Variants in NELL1 observed in about 807,000 individuals in gnomAD.
The protein encoded by NELL1 is protein kinase C-binding protein NELL1.
In NELL1, 76 loss-of-function variants were observed where a neutral mutation model predicts 107.4. The ratio of observed to expected loss-of-function variants is 0.71; its 90% CI spans 0.59 to 0.86. NELL1 has a LOEUF of 0.86. Ranked by LOEUF, NELL1 falls within the 40% of genes least tolerant of loss-of-function variation. NELL1 has a pLI of 0.00. For synonymous variants in NELL1, 353 were observed against 341.2 expected, an observed-to-expected ratio of 1.03 and a Z score of -0.38; for missense variants, 1,024 against 1,005.5, an observed-to-expected ratio of 1.02 and a Z score of -0.25.
At chr11:21,082,904 C>A (rs1054080030) in intron 12 of NELL1, among the ~76,000 whole-genome samples, 1 of 152,160 alleles carries the variant, frequency 6.6e-6, no homozygotes, top group African/African-American at 2.4e-5. Context: ...ATTATTGTTA[C>A]TATTTGCTAC....
intron 12 of NELL1, among the ~76,000 whole-genome samples, chr11:21,072,693 A>C (rs1854043578): frequency 6.6e-6 from 1 of 152,204 alleles, no homozygotes; most frequent in Non-Finnish European, 1.5e-5. Context: ...TGCCAGAGAA[A>C]TCAGTAAAGA....
chr11:20,933,828 G>T (rs1033234291), intron 9 of NELL1, among the ~76,000 whole-genome samples: 1 of 152,200 alleles, frequency 6.6e-6, no homozygotes, highest in Non-Finnish European at 1.5e-5. Context: ...GAAGGGCCAG[G>T]TGTCTGTCGG....
At chr11:20,984,747 C>T (rs1274820146) in intron 12 of NELL1, among the ~76,000 whole-genome samples, 2 of 152,008 alleles carry the variant, frequency 1.3e-5, no homozygotes. Context: ...CATATGGCAC[C>T]TTAATGACCA....
intron 12 of NELL1, among the ~76,000 whole-genome samples, chr11:21,085,182 TG>T (rs1471037112): frequency 1.3e-5 from 2 of 152,116 alleles, no homozygotes; most frequent in Non-Finnish European, 1.5e-5. Context: ...TTCTGAGTAT[TG>T]GGGGGCACAA....
At chr11:21,002,902 A>T (rs1321167848) in intron 12 of NELL1, among the ~76,000 whole-genome samples, 1 of 152,178 alleles carries the variant, frequency 6.6e-6, no homozygotes, top group Non-Finnish European at 1.5e-5. Flanking sequence ...CTAAGAATTT[A>T]TCTTAATTCC....
At chr11:21,440,677 CT>C (rs1853260911) in intron 15 of NELL1, among the ~76,000 whole-genome samples, 1 of 151,934 alleles carries the variant, frequency 6.6e-6, no homozygotes, top group African/African-American at 2.4e-5. Context: ...TATTAATTCA[CT>C]GGTGAGATGT....
chr11:20,835,803 A>G (rs963169180), intron 3 of NELL1, among the ~76,000 whole-genome samples: 4 of 152,224 alleles, frequency 2.6e-5, no homozygotes, highest in Non-Finnish European at 4.4e-5. Flanking sequence ...ACTTTACTGT[A>G]AAATGCAAAA....
At chr11:21,538,277 C>T (rs910689965) in intron 16 of NELL1, among the ~76,000 whole-genome samples, 13 of 152,074 alleles carry the variant, frequency 8.5e-5, no homozygotes, top group African/African-American at 2.9e-4. Context: ...ATAGCACCTT[C>T]ACTACTGATT....
chr11:21,020,637 G>T (rs1468656679), intron 12 of NELL1, among the ~76,000 whole-genome samples: 1 of 151,976 alleles, frequency 6.6e-6, no homozygotes, highest in Non-Finnish European at 1.5e-5. Context: ...CATCTAAGCT[G>T]CTCTGTCTCC....
At chr11:21,115,124 T>G (rs1421835166) in intron 13 of NELL1, among the ~76,000 whole-genome samples, 1 of 152,016 alleles carries the variant, frequency 6.6e-6, no homozygotes, top group African/African-American at 2.4e-5. Context: ...TCGAATGCCT[T>G]AATAGGATAG....
At chr11:21,534,331 A>C (rs1217074970) in intron 15 of NELL1, 43 bp from the exon 16 acceptor site, 1 of 1,612,266 alleles carries the variant, frequency 6.2e-7, no homozygotes, top group African/African-American at 1.3e-5. Context: ...TAGTGTCAAA[A>C]GAAATTAATA....
chr11:21,568,451 A>T (rs529564136), intron 17 of NELL1, among the ~76,000 whole-genome samples: 156 of 151,842 alleles, frequency 1.0e-3, no homozygotes, highest in African/African-American at 3.5e-3. Context: ...ATTTTGAAAA[A>T]GATTTTTTTT....
chr11:20,877,727 C>A (rs1227358152), intron 4 of NELL1, among the ~76,000 whole-genome samples: 2 of 152,320 alleles, frequency 1.3e-5, no homozygotes, highest in South Asian at 4.1e-4. Flanking sequence ...TCCTCTCAAG[C>A]AGGTTTTACA....
At chr11:20,789,495 G>A (rs982900611) in intron 3 of NELL1, among the ~76,000 whole-genome samples, 4 of 152,068 alleles carry the variant, frequency 2.6e-5, no homozygotes, top group African/African-American at 4.8e-5. Context: ...GCCCTGGCTC[G>A]GGGAGCCCAG....
chr11:21,199,408 T>C (rs1043343492), intron 13 of NELL1, among the ~76,000 whole-genome samples: 3 of 152,156 alleles, frequency 2.0e-5, no homozygotes, highest in African/African-American at 7.2e-5. Context: ...TTAATACACA[T>C]TCCCAGGAAA....
chr11:21,100,815 G>T (rs562563851), intron 12 of NELL1, among the ~76,000 whole-genome samples: 1 of 152,060 alleles, frequency 6.6e-6, no homozygotes, highest in Admixed American at 6.5e-5. Context: ...GTATAGCAAA[G>T]TACAATGTTT....
At chr11:20,842,514 A>C (rs1848639097) in intron 3 of NELL1, among the ~76,000 whole-genome samples, 4 of 152,156 alleles carry the variant, frequency 2.6e-5, no homozygotes, top group Admixed American at 2.6e-4. Flanking sequence ...GCATCATGAG[A>C]ACCATGAATG....
At chr11:21,214,079 A>T (rs776779267) in intron 13 of NELL1, among the ~76,000 whole-genome samples, 1 of 152,196 alleles carries the variant, frequency 6.6e-6, no homozygotes, top group South Asian at 2.1e-4. Flanking sequence ...TATCCAATAA[A>T]GGCCTTATAC....
chr11:20,746,914 C>G (rs745519960), intron 2 of NELL1, among the ~76,000 whole-genome samples: 14 of 152,162 alleles, frequency 9.2e-5, no homozygotes, highest in Non-Finnish European at 1.9e-4. Context: ...CTGAAGTTAA[C>G]AACTTGTGCA....
Sources: gnomAD v4.1 joint callset for allele counts (sites outside exome capture counted in the v4.1 genomes callset) on GRCh38, gnomAD v4.1.1 for gene constraint, MANE v1.5 for transcripts, NCBI Gene and HGNC (gene_info 2026-07-23, HGNC 2026-07-21) for gene names.